The following DPAGT1 variants were observed in gnomAD, a reference collection of about 807,000 sequenced individuals.
The protein encoded by DPAGT1 is dolichyl-phosphate N-acetylglucosaminephosphotransferase 1.
In DPAGT1, 25 loss-of-function variants were observed where a neutral mutation model predicts 39.3. The ratio of observed to expected loss-of-function variants is 0.64; its 90% CI spans 0.46 to 0.89. DPAGT1 has a LOEUF of 0.89. Among genes scored for constraint, DPAGT1 ranks in the 40% least tolerant of loss-of-function variants. DPAGT1 has a pLI of 0.00. For synonymous variants in DPAGT1, 193 were observed against 201.4 expected, an observed-to-expected ratio of 0.96 and a Z score of 0.36; for missense variants, 381 against 500.6, an observed-to-expected ratio of 0.76 and a Z score of 2.28.
At chr11:119,095,169 T>A (rs1946369744), downstream of DPAGT1, 1 of 1,613,888 alleles carries the variant, frequency 6.2e-7, no homozygotes, top group South Asian at 1.1e-5. Flanking sequence ...ATTCGCGTCT[T>A]CTTGTTGTCG....
rs1946406410 is a variant in DPAGT1, at chr11:119,097,028, A to T, written c.1197T>A (p.Tyr399Ter). 6.2e-7 allele frequency: 1 copy of T among 1,614,194 alleles called. No individual in the cohort carries two copies. Among genetic ancestry groups the T allele is most frequent in the Non-Finnish European group, 8.5e-7 (1 of 1,180,036 alleles). Residue 399 changes from tyrosine to a stop codon, truncating the protein, a stop_gained, in exon 9 of 9, where the codon TAT becomes TAA. Coordinates refer to ENST00000354202, the MANE Select transcript of DPAGT1 (RefSeq NM_001382.4). LOFTEE classifies it high-confidence loss of function. The surrounding 1 kb of genome is among the most constrained non-coding windows in gnomAD (Gnocchi z 4.6). ...CATCATAGAAGAGTCGAACGAGCTG[A>T]TATCGAATGGAGAAGGTGATGGCAC... is the stretch of plus-strand genomic sequence containing the variant. ...LGSAITFSIR[Y>*]QLVRLFYDV is the part of the protein sequence containing the mutation.
chr11:119,100,330 C>A lies in DPAGT1; in HGVS notation c.575G>T (p.Gly192Val), dbSNP rs2134911057. 8 of 1,614,188 alleles carry A rather than the reference C, an allele frequency of 5.0e-6. No homozygotes were observed. Among genetic ancestry groups the A allele is most frequent in the Non-Finnish European group, 5.1e-6 (6 of 1,180,044 alleles). ...NAINILAGINGLEAGQSLVIS... is the reference protein window; with the variant it reads ...NAINILAGINVLEAGQSLVIS... Reference sequence around the variant, plus strand: ...GACTAGTGACTGGCCAGCCTCTAGGCCGTTAATTCCTGCTAGGATATTGAT... The same window carrying A: ...GACTAGTGACTGGCCAGCCTCTAGGACGTTAATTCCTGCTAGGATATTGAT... Residue 192 changes from glycine to valine, a missense_variant, in exon 4 of 9, where the codon GGC (glycine) becomes GTC (valine). Transcript: ENST00000354202.
At chr11:119,100,127 G>T in intron 4 of DPAGT1, 135 bp downstream of exon 4, 1 of 1,386,432 alleles carries the variant, frequency 7.2e-7, no homozygotes, top group Non-Finnish European at 1.0e-6. Context: ...ATTGTTATTT[G>T]CAAAGTAAGT....
Position 119,101,000 on chromosome 11 carries a change from C to T in DPAGT1, c.282+18G>A. 1 of 1,614,242 alleles carries T rather than the reference C, an allele frequency of 6.2e-7. No individual in the cohort carries two copies. The highest frequency in any genetic ancestry group is 8.5e-7 in the Non-Finnish European group (1 of 1,180,048). ...CCAGGTCCCAGCCACAGGCAATCAC[C>T]CCCACGAACCCACTTACTTCATGGT... On this transcript the variant is annotated intron_variant, in intron 2 of 8. Transcript: ENST00000354202.
intron 4 of DPAGT1, among the ~76,000 whole-genome samples, chr11:119,099,421 C>CAAA (rs55735634): frequency 9.7e-5 from 11 of 113,054 alleles, no homozygotes; most frequent in South Asian, 2.9e-4. Context: ...AACTCCGTCT[C>CAAA]AAAAAAAAAA....
In DPAGT1 at chr11:119,097,687, C is replaced by G; in HGVS notation, c.918-136G>C. 7.1e-7 allele frequency: 1 copy of G among 1,409,522 alleles called. No homozygotes were observed. The highest frequency in any genetic ancestry group is 1.0e-6 in the Non-Finnish European group (1 of 999,156). 87.3% of individuals were successfully genotyped at this position (1,409,522 alleles called of 1,614,324 possible). A position where few individuals can be genotyped will look rare whatever the true frequency, so the allele number is the denominator to read the frequency against. Reference sequence around the variant, plus strand: ...CTGCTGCTTACTGTTATCAGAACCACTGTAGCAGATTATGCAAATAAATGT... The same window carrying G: ...CTGCTGCTTACTGTTATCAGAACCAGTGTAGCAGATTATGCAAATAAATGT... On this transcript the variant is annotated intron_variant, in intron 6 of 8. Transcript: ENST00000354202. The surrounding 1 kb of genome is among the most constrained non-coding windows in gnomAD (Gnocchi z 4.6).
chr11:119,095,429 A>C (rs1200616608), downstream of DPAGT1: 1 of 1,476,566 alleles, frequency 6.8e-7, no homozygotes, highest in Non-Finnish European at 8.9e-7. Context: ...ACGACGGCTC[A>C]AACACTAGAA....
rs909685312 is a variant in DPAGT1, at chr11:119,096,671, G to A, written c.*327C>T. Reference sequence around the variant, plus strand: ...CTATCCCAAAAACCAGTGGTTCCTTGAGAGTCAGGACTCTGAAATGTGAGT... The same window carrying A: ...CTATCCCAAAAACCAGTGGTTCCTTAAGAGTCAGGACTCTGAAATGTGAGT... On this transcript the variant is annotated 3_prime_UTR_variant, in exon 9 of 9. Coordinates refer to ENST00000354202, the MANE Select transcript of DPAGT1 (RefSeq NM_001382.4). The A allele has an allele frequency of 6.5e-5, 28 of 432,742 alleles. No homozygotes were observed. The highest frequency in any genetic ancestry group is 1.2e-4 in the Non-Finnish European group (27 of 234,440). The allele number at this position is 432,742 out of a possible 1,614,324, so 26.8% of individuals were successfully genotyped here. A position where few individuals can be genotyped will look rare whatever the true frequency, so the allele number is the denominator to read the frequency against.
chr11:119,097,315 G>A lies in DPAGT1; in HGVS notation c.1006-18C>T. 3 of 1,614,180 alleles carry A rather than the reference G, an allele frequency of 1.9e-6. No individual in the cohort carries two copies. The highest frequency in any genetic ancestry group is 2.5e-6 in the Non-Finnish European group (3 of 1,180,012). ...TCTGCCACCTGGAGGGACCAGAGGT[G>A]AAGAGAACCTCAGCTAATACCTATG... On this transcript the variant is annotated intron_variant, in intron 7 of 8. Coordinates refer to ENST00000354202, the MANE Select transcript of DPAGT1 (RefSeq NM_001382.4). This position sits in a 1 kb window ranked among gnomAD's most constrained non-coding sequence, Gnocchi z 4.6.
Position 119,097,778 on chromosome 11 carries a change from C to T in DPAGT1, c.917+77G>A. The T allele has an allele frequency of 1.3e-6, 2 of 1,596,794 alleles. No individual in the cohort carries two copies. The highest frequency in any genetic ancestry group is 1.1e-5 in the South Asian group (1 of 90,512). The stretch of plus-strand genomic sequence containing the variant: ...CTTCTTTGGGCCCACTCCCTTTGCA[C>T]AGCAAATGTATAGGCTGGCATTAGA... On this transcript the variant is annotated intron_variant, in intron 6 of 8. Transcript: ENST00000354202. The surrounding 1 kb of genome is among the most constrained non-coding windows in gnomAD (Gnocchi z 4.6).
downstream of DPAGT1, chr11:119,095,442 G>T: frequency 6.9e-7 from 1 of 1,452,978 alleles, no homozygotes; most frequent in South Asian, 1.4e-5. Flanking sequence ...CACTAGAACA[G>T]ACGCCCGCCG....
In DPAGT1 at chr11:119,096,842, A is replaced by G. The variant is rs1450052640; in HGVS notation, c.*156T>C. 7.7e-6 allele frequency: 7 copies of G among 907,756 alleles called. No individual in the cohort carries two copies. In the African/African-American group the frequency reaches 8.3e-5, roughly 11 times the overall value. The allele number at this position is 907,756 out of a possible 1,614,324, so 56.2% of individuals were successfully genotyped here. A position where few individuals can be genotyped will look rare whatever the true frequency, so the allele number is the denominator to read the frequency against. On this transcript the variant is annotated 3_prime_UTR_variant, in exon 9 of 9. Transcript: ENST00000354202. Reference sequence around the variant, plus strand: ...AGGGCAAGAAACGCCCAGGATGCCAATGATCACAGAGAAAGGAAAATGCTG... The same window carrying G: ...AGGGCAAGAAACGCCCAGGATGCCAGTGATCACAGAGAAAGGAAAATGCTG...
intron 1 of DPAGT1, 129 bp from the exon 2 acceptor site, chr11:119,101,267 G>A (rs1946500492): frequency 1.4e-6 from 2 of 1,419,174 alleles, no homozygotes; most frequent in Non-Finnish European, 9.7e-7. Flanking sequence ...GTGGTGAGGG[G>A]GGCGGAGGGA....
At chr11:119,095,239 CA>C, downstream of DPAGT1, 1 of 1,613,818 alleles carries the variant, frequency 6.2e-7, no homozygotes, top group Non-Finnish European at 8.5e-7. Flanking sequence ...GCACTGCCGC[CA>C]GGTACACTGG....
At chr11:119,094,973 T>C (rs766991832), downstream of DPAGT1, 4 of 1,611,380 alleles carry the variant, frequency 2.5e-6, no homozygotes, top group Non-Finnish European at 1.7e-6. Flanking sequence ...TTAGTACTCC[T>C]GGGAGGCCTG....
chr11:119,094,420 A>G (rs1177797578), downstream of DPAGT1: 1 of 152,220 alleles, frequency 6.6e-6, no homozygotes, highest in Non-Finnish European at 1.5e-5. Context: ...CCGGGGGGGT[A>G]CCAGACACCC....
chr11:119,095,684 A>T (rs1359399105), downstream of DPAGT1, among the ~76,000 whole-genome samples: 1 of 152,104 alleles, frequency 6.6e-6, no homozygotes, highest in South Asian at 2.1e-4. Flanking sequence ...CAGACTGCCA[A>T]CTATCCGCTG....
In DPAGT1 at chr11:119,097,830, C is replaced by T. The variant is rs756534975; in HGVS notation, c.917+25G>A. On this transcript the variant is annotated intron_variant, in intron 6 of 8. Transcript: ENST00000354202. The surrounding 1 kb of genome is among the most constrained non-coding windows in gnomAD (Gnocchi z 4.6). ...ATCCCAAGTGAAAAGGCTATGATGT[C>T]CATTTCAAGCCAAAAAGCGGCTACC... The T allele has an allele frequency of 2.5e-6, 4 of 1,613,782 alleles. No homozygotes were observed. Among genetic ancestry groups the T allele is most frequent in the Non-Finnish European group, 2.5e-6 (3 of 1,179,818 alleles).
At chr11:119,098,561 A>G in intron 4 of DPAGT1, 74 bp from the exon 5 acceptor site, 1 of 1,497,566 alleles carries the variant, frequency 6.7e-7, no homozygotes, top group Non-Finnish European at 9.3e-7. Flanking sequence ...ATTTTTGTCT[A>G]AGTTCTGTTT....
Sources: allele counts gnomAD v4.1 joint callset (sites outside exome capture counted in the v4.1 genomes callset), GRCh38; gene constraint gnomAD v4.1.1; non-coding constraint Gnocchi (gnomAD v3.1); transcripts MANE v1.5; gene names NCBI Gene and HGNC (gene_info 2026-07-23, HGNC 2026-07-21).